CSMD3: variants seen among roughly 807,000 people sequenced by gnomAD.
CSMD3 encodes CUB and Sushi multiple domains 3.
Under a neutral mutation model 435.2 loss-of-function variants are expected in CSMD3, and 177 were observed. That is an observed-to-expected ratio of 0.41 (90% CI 0.36 to 0.46). The LOEUF (loss-of-function observed/expected upper bound fraction) is 0.46. CSMD3 is among the 20% of genes least tolerant of loss of function. CSMD3 has a pLI of 0.34. For missense variants in CSMD3, 4,265 were observed against 4,504.6 expected, an observed-to-expected ratio of 0.95 and a Z score of 1.52; for synonymous variants, 1,656 against 1,520.5, an observed-to-expected ratio of 1.09 and a Z score of -2.07.
At chr8:113,064,592 A>G (rs532559638) in intron 5 of CSMD3, among the ~76,000 whole-genome samples, 5 of 152,290 alleles carry the variant, frequency 3.3e-5, no homozygotes, top group African/African-American at 1.2e-4. Flanking sequence ...TATTGAGGAA[A>G]TTAGTAAAGG....
intron 70 of CSMD3, among the ~76,000 whole-genome samples, chr8:112,227,277 T>C (rs933735669): frequency 6.6e-6 from 1 of 152,206 alleles, no homozygotes; most frequent in African/African-American, 2.4e-5. Context: ...TGGATAAAAT[T>C]TGAAAACATT....
At chr8:112,298,368 A>G (rs185458492) in intron 53 of CSMD3, among the ~76,000 whole-genome samples, 50 of 152,276 alleles carry the variant, frequency 3.3e-4, no homozygotes, top group African/African-American at 1.2e-3. Flanking sequence ...AGTGCAAGTA[A>G]AAAAGCTCCT....
chr8:112,886,028 T>G (rs1041177814), intron 10 of CSMD3, among the ~76,000 whole-genome samples: 2 of 151,780 alleles, frequency 1.3e-5, no homozygotes, highest in Non-Finnish European at 2.9e-5. Flanking sequence ...TTACATTTAT[T>G]AAATAGTAAA....
At chr8:112,748,503 G>A (rs568128360) in intron 13 of CSMD3, among the ~76,000 whole-genome samples, 33 of 151,540 alleles carry the variant, frequency 2.2e-4, no homozygotes, top group Middle Eastern at 6.8e-3. Flanking sequence ...CCACCCTCCC[G>A]CATCAAGTAG....
At chr8:113,362,475 T>C in intron 1 of CSMD3, among the ~76,000 whole-genome samples, 1 of 152,172 alleles carries the variant, frequency 6.6e-6, no homozygotes, top group African/African-American at 2.4e-5. Context: ...AGTGAGACCA[T>C]TTCTCCTTAA....
chr8:112,591,575 C>A (rs1040770190), intron 22 of CSMD3, among the ~76,000 whole-genome samples: 13 of 152,112 alleles, frequency 8.5e-5, no homozygotes, highest in African/African-American at 3.1e-4. Context: ...ACAACTGAGT[C>A]TTTTTATTTT....
At chr8:112,894,724 A>G (rs1045082683) in intron 10 of CSMD3, among the ~76,000 whole-genome samples, 2 of 151,432 alleles carry the variant, frequency 1.3e-5, no homozygotes, top group African/African-American at 4.8e-5. Flanking sequence ...TTTATGTAGC[A>G]TAAGTCCATA....
intron 49 of CSMD3, 106 bp downstream of exon 49, chr8:112,313,800 G>C (rs1274022515): frequency 2.3e-6 from 2 of 854,810 alleles, no homozygotes; most frequent in Admixed American, 3.7e-5. Flanking sequence ...CAATGGAGGA[G>C]CTGTGATTTG....
chr8:112,405,244 T>TATATATATATAC (rs1554668933), intron 35 of CSMD3, among the ~76,000 whole-genome samples: 1 of 83,330 alleles, frequency 1.2e-5, no homozygotes, highest in African/African-American at 5.3e-5. Context: ...TATATATATA[T>TATATATATATAC]ATACATATAT....
intron 4 of CSMD3, among the ~76,000 whole-genome samples, chr8:113,099,960 A>G (rs566583995): frequency 6.6e-6 from 1 of 152,228 alleles, no homozygotes; most frequent in East Asian, 1.9e-4. Flanking sequence ...CTCTGGCTCT[A>G]TAATGACCAA....
At chr8:113,251,791 G>A (rs2093337126) in intron 3 of CSMD3, among the ~76,000 whole-genome samples, 1 of 152,052 alleles carries the variant, frequency 6.6e-6, no homozygotes. Flanking sequence ...CTTAGCTTTA[G>A]TGACCTGAAT....
At chr8:112,855,804 C>T (rs554510582) in intron 11 of CSMD3, among the ~76,000 whole-genome samples, 5 of 130,372 alleles carry the variant, frequency 3.8e-5, no homozygotes, top group South Asian at 5.1e-4. Flanking sequence ...TATGTCTTAG[C>T]GAAGCTTTTT....
At chr8:112,292,280 C>G (rs931394710) in intron 55 of CSMD3, among the ~76,000 whole-genome samples, 1 of 152,018 alleles carries the variant, frequency 6.6e-6, no homozygotes, top group Non-Finnish European at 1.5e-5. Context: ...GAAATTAACT[C>G]TACCACTTTT....
In CSMD3 at chr8:112,311,037, A is replaced by G. The variant is rs2130813402; in HGVS notation, c.7826T>C (p.Val2609Ala). ...ATACCCATAGGAAGACTTTCTGCAC[A>G]CAGCACTGCTTTTTCCAACAAGTCG... is the stretch of plus-strand genomic sequence containing the variant. ...GFRLVGKSSA[V>A]CRKSSYGYHA... Residue 2609 changes from valine (V) to alanine (A), a missense_variant, in exon 50 of 71, where the codon GTG becomes GCG. Coordinates refer to ENST00000297405, the MANE Select transcript of CSMD3 (RefSeq NM_198123.2). 6.2e-7 allele frequency: 1 copy of G among 1,614,124 alleles called. No individual in the cohort carries two copies. Among genetic ancestry groups the G allele is most frequent in the South Asian group, 1.1e-5 (1 of 91,078 alleles).
intron 63 of CSMD3, among the ~76,000 whole-genome samples, chr8:112,248,845 A>C (rs1418037647): frequency 6.6e-6 from 1 of 151,844 alleles, no homozygotes; most frequent in Non-Finnish European, 1.5e-5. Context: ...TCTTCCATGA[A>C]CCCTCACCTT....
intron 59 of CSMD3, among the ~76,000 whole-genome samples, chr8:112,266,996 A>ATT (rs544320329): frequency 1.3e-5 from 2 of 151,656 alleles, no homozygotes; most frequent in Admixed American, 1.3e-4. Context: ...AATCTGGGTT[A>ATT]TTTTTTTTCT....
chr8:112,738,752 T>C, intron 13 of CSMD3, among the ~76,000 whole-genome samples: 1 of 151,736 alleles, frequency 6.6e-6, no homozygotes, highest in East Asian at 1.9e-4. Flanking sequence ...AGAACAATTT[T>C]ACCATTGCAA....
At chr8:112,587,573 T>TA (rs1830837734) in intron 22 of CSMD3, among the ~76,000 whole-genome samples, 1 of 151,904 alleles carries the variant, frequency 6.6e-6, no homozygotes, top group South Asian at 2.1e-4. Context: ...GTAATACATT[T>TA]AAATTTATAA....
chr8:112,666,437 G>T (rs532582606), intron 16 of CSMD3, 22 bp from the exon 17 acceptor site: 7 of 1,606,370 alleles, frequency 4.4e-6, no homozygotes, highest in Admixed American at 1.7e-5. Context: ...AATCAGACAA[G>T]TAAGAATAAA....
Sources: gnomAD v4.1 joint callset for allele counts (sites outside exome capture counted in the v4.1 genomes callset) on GRCh38, gnomAD v4.1.1 for gene constraint, MANE v1.5 for transcripts, NCBI Gene and HGNC (gene_info 2026-07-23, HGNC 2026-07-21) for gene names.